Variants in COX7B2 observed in about 807,000 individuals in gnomAD.
COX7B2 encodes cytochrome c oxidase subunit 7B2, mitochondrial.
For synonymous variants in COX7B2, 37 were observed against 32.1 expected, an observed-to-expected ratio of 1.15 and a Z score of -0.51; for missense variants, 109 against 95.9, an observed-to-expected ratio of 1.14 and a Z score of -0.57.
chr4:46,843,422 GA>G (rs1560415308), intron 2 of COX7B2, among the ~76,000 whole-genome samples: 1 of 152,012 alleles, frequency 6.6e-6, no homozygotes, highest in African/African-American at 2.4e-5. Context: ...GAGACTCCGA[GA>G]GAGTCATCAA....
Position 46,752,953 on chromosome 4 carries a change from CCT to C in COX7B2, c.-49-17714_-49-17713del, listed in dbSNP as rs528389148. ...TCATAAAATGAGTCAGGGAGGAGTC[CCT>C]CTTTTTCTATTGATTGGGATAGTTT... On this transcript the variant is annotated intron_variant, in intron 2 of 2. Coordinates refer to ENST00000355591, the MANE Select transcript of COX7B2 (RefSeq NM_130902.3). 8.8e-3 allele frequency among the ~76,000 whole-genome samples: 1,344 copies of C among 152,220 alleles called. 39 individuals are homozygous for C. The highest frequency in any genetic ancestry group is 0.051 in the Admixed American group (784 of 15,272).
intron 2 of COX7B2, among the ~76,000 whole-genome samples, chr4:46,735,515 T>C (rs1442831117): frequency 3.3e-5 from 5 of 152,136 alleles, no homozygotes; most frequent in Non-Finnish European, 5.9e-5. Context: ...TTTCTACTCA[T>C]CACAAATATC....
chr4:46,889,577 G>A (rs1337477534), intron 1 of COX7B2, among the ~76,000 whole-genome samples: 1 of 152,162 alleles, frequency 6.6e-6, no homozygotes, highest in Non-Finnish European at 1.5e-5. Context: ...GCCACAGAGA[G>A]GTGAGAAAGG....
intron 2 of COX7B2, among the ~76,000 whole-genome samples, chr4:46,794,600 G>C (rs192377257): frequency 3.9e-5 from 6 of 152,162 alleles, no homozygotes; most frequent in Non-Finnish European, 7.4e-5. Context: ...GTCTGTAGTG[G>C]GAACTACAGA....
chr4:46,753,079 T>C (rs1225802954), intron 2 of COX7B2, among the ~76,000 whole-genome samples: 4 of 152,150 alleles, frequency 2.6e-5, no homozygotes, highest in Non-Finnish European at 5.9e-5. Context: ...CTATTAATTA[T>C]TGCCTCAATT....
At chr4:46,867,555 G>A (rs6447516) in intron 1 of COX7B2, among the ~76,000 whole-genome samples, 92,879 of 152,086 alleles carry the variant, frequency 0.61, 28,395 homozygotes, top group East Asian at 0.7. Context: ...CTTAATTTGC[G>A]TGTAATTAAT....
At chr4:46,836,428 G>C (rs1715520327) in intron 2 of COX7B2, among the ~76,000 whole-genome samples, 2 of 151,808 alleles carry the variant, frequency 1.3e-5, no homozygotes, top group Non-Finnish European at 2.9e-5. Context: ...CCTAGAAAGA[G>C]TTAGGATCAT....
At chr4:46,825,715 C>G (rs1406957586) in intron 2 of COX7B2, among the ~76,000 whole-genome samples, 2 of 151,978 alleles carry the variant, frequency 1.3e-5, no homozygotes, top group Admixed American at 1.3e-4. Flanking sequence ...ATAGAGAGCC[C>G]AGAAATAAGG....
chr4:46,866,332 C>T (rs1020428749), intron 1 of COX7B2, among the ~76,000 whole-genome samples: 7 of 152,164 alleles, frequency 4.6e-5, no homozygotes, highest in African/African-American at 1.7e-4. Flanking sequence ...CATATGGCCT[C>T]TATTTGTGCC....
At chr4:46,842,923 G>C (rs1164690927) in intron 2 of COX7B2, among the ~76,000 whole-genome samples, 1 of 152,034 alleles carries the variant, frequency 6.6e-6, no homozygotes, top group African/African-American at 2.4e-5. Context: ...ACCCAGTAAT[G>C]GGATGGCTGG....
At chr4:46,849,264 A>C (rs1459040476) in intron 1 of COX7B2, among the ~76,000 whole-genome samples, 1 of 152,006 alleles carries the variant, frequency 6.6e-6, no homozygotes, top group African/African-American at 2.4e-5. Context: ...GATTAAATCA[A>C]TTTCTCCTAT....
chr4:46,760,613 TG>T (rs1716090130), intron 2 of COX7B2, among the ~76,000 whole-genome samples: 1 of 152,062 alleles, frequency 6.6e-6, no homozygotes, highest in Non-Finnish European at 1.5e-5. Context: ...AAGTAGATGA[TG>T]GGTTGATGGG....
At chr4:46,818,240 G>A (rs1222137936) in intron 2 of COX7B2, among the ~76,000 whole-genome samples, 1 of 152,176 alleles carries the variant, frequency 6.6e-6, no homozygotes, top group African/African-American at 2.4e-5. Flanking sequence ...TGCACATCCA[G>A]CAGAAGGTGG....
chr4:46,846,076 A>G (rs937358132), intron 1 of COX7B2, among the ~76,000 whole-genome samples: 5 of 152,076 alleles, frequency 3.3e-5, no homozygotes, highest in Non-Finnish European at 5.9e-5. Context: ...TAAACAAGAA[A>G]TGGCAAGTTT....
chr4:46,769,839 T>C lies in COX7B2; in HGVS notation c.-49-34598A>G, dbSNP rs920306517. On this transcript the variant is annotated intron_variant, in intron 2 of 2. Transcript: ENST00000355591. Reference sequence around the variant, plus strand: ...AAACAAATTAGGTATAGAAAGAATGTTCCTCGAAAAAATAAAGACCATATA... The same window carrying C: ...AAACAAATTAGGTATAGAAAGAATGCTCCTCGAAAAAATAAAGACCATATA... Among the ~76,000 whole-genome samples, 71 of 152,142 alleles carry C rather than the reference T, an allele frequency of 4.7e-4. 1 individual carries two copies. Among genetic ancestry groups the C allele is most frequent in the South Asian group, 2.1e-4 (1 of 4,832 alleles).
At chr4:46,881,667 A>T (rs1270525399) in intron 1 of COX7B2, among the ~76,000 whole-genome samples, 1 of 152,064 alleles carries the variant, frequency 6.6e-6, no homozygotes, top group East Asian at 1.9e-4. Context: ...TACTAAGGAG[A>T]CTGAGGATCA....
At chr4:46,852,063 G>A (rs1716724844) in intron 1 of COX7B2, among the ~76,000 whole-genome samples, 1 of 151,940 alleles carries the variant, frequency 6.6e-6, no homozygotes. Context: ...TTACTATGGT[G>A]TTTGCCTAAT....
intron 2 of COX7B2, among the ~76,000 whole-genome samples, chr4:46,774,885 T>C (rs1717069168): frequency 6.6e-6 from 1 of 152,106 alleles, no homozygotes; most frequent in Admixed American, 6.6e-5. Flanking sequence ...ATTTTCACTA[T>C]ACAATTTTAA....
At chr4:46,840,568 G>A (rs181781076) in intron 2 of COX7B2, among the ~76,000 whole-genome samples, 75 of 152,130 alleles carry the variant, frequency 4.9e-4, no homozygotes, top group African/African-American at 1.8e-3. Context: ...ATGGCTGATA[G>A]TAGGCATTTG....
Sources: allele counts gnomAD v4.1 joint callset (sites outside exome capture counted in the v4.1 genomes callset), GRCh38; gene constraint gnomAD v4.1.1; transcripts MANE v1.5; gene names NCBI Gene and HGNC (gene_info 2026-07-23, HGNC 2026-07-21).